PROM1: variants seen among roughly 807,000 people sequenced by gnomAD.
The protein encoded by PROM1 is prominin 1.
A neutral mutation model predicts 116.9 loss-of-function variants in PROM1; 105 were observed. The ratio of observed to expected loss-of-function variants is 0.90; its 90% CI spans 0.77 to 1.06. The LOEUF (loss-of-function observed/expected upper bound fraction) is 1.06. PROM1 is among the 50% of genes least tolerant of loss of function. The pLI, the probability that PROM1 is intolerant of heterozygous loss-of-function variation, is 0.00. For missense variants in PROM1, 1,122 were observed against 1,045.2 expected (o/e 1.07, Z -1.01); for synonymous variants, 393 against 387.0 (o/e 1.02, Z -0.18).
Position 15,992,312 on chromosome 4 carries a change from T to C in PROM1, c.1847A>G (p.Lys616Arg). Residue 616 changes from lysine to arginine, a missense_variant, in exon 17 of 28, where the codon AAA becomes AGA. Physicochemically the swap from Lys to Arg is conservative, Grantham distance 26. Coordinates refer to ENST00000447510, the MANE Select transcript of PROM1 (RefSeq NM_006017.3). ...NIFLLGAAGR[K>R]NLQDFAACGI... Reference sequence around the variant, plus strand: ...ACAAGCAGCAAAATCCTGAAGGTTTTTTCTTCCTGCTGCACCCAACAGAAA... The same window carrying C: ...ACAAGCAGCAAAATCCTGAAGGTTTCTTCTTCCTGCTGCACCCAACAGAAA... 6.2e-7 allele frequency: 1 copy of C among 1,614,024 alleles called. No individual in the cohort carries two copies. The highest frequency in any genetic ancestry group is 8.5e-7 in the Non-Finnish European group (1 of 1,179,892).
chr4:16,080,692 A>T (rs568878201), intron 1 of PROM1: 1 of 152,200 alleles, frequency 6.6e-6, no homozygotes, highest in Non-Finnish European at 1.5e-5. Context: ...AACATCTGAG[A>T]CCACGTTTGT....
At chr4:16,008,725 C>T (rs193102192) in intron 12 of PROM1, among the ~76,000 whole-genome samples, 7 of 152,338 alleles carry the variant, frequency 4.6e-5, no homozygotes, top group African/African-American at 1.2e-4. Context: ...ACACAGGAGT[C>T]ATGCGAACCT....
At chr4:16,036,801 T>G (rs190585065) in intron 3 of PROM1, among the ~76,000 whole-genome samples, 1 of 152,336 alleles carries the variant, frequency 6.6e-6, no homozygotes, top group East Asian at 1.9e-4. Context: ...AGCCCTCCTC[T>G]AGATGTGGCC....
intron 5 of PROM1, among the ~76,000 whole-genome samples, chr4:16,032,933 G>A (rs999525091): frequency 6.6e-6 from 1 of 152,196 alleles, no homozygotes; most frequent in Non-Finnish European, 1.5e-5. Flanking sequence ...AAATCAACTT[G>A]CAGATCCATC....
At chr4:16,080,291 C>G (rs550810518) in intron 1 of PROM1, among the ~76,000 whole-genome samples, 1 of 151,918 alleles carries the variant, frequency 6.6e-6, no homozygotes, top group East Asian at 1.9e-4. Context: ...GAGGCCGAGG[C>G]GGGCGGATCA....
chr4:15,987,669 T>C lies in PROM1; in HGVS notation c.2124A>G (p.Gly708=). ...SVKILQRTGN[G]LLERVTRILA... Reference sequence around the variant, plus strand: ...AAACAAAGTAAACCCTTACCAACAATCCATTCCCTGTGCGTTGAAGTATCT... The same window carrying C: ...AAACAAAGTAAACCCTTACCAACAACCCATTCCCTGTGCGTTGAAGTATCT... Residue 708 remains glycine (G), a synonymous_variant, in exon 20 of 28, where the codon GGA becomes GGG. Transcript: ENST00000447510. The C allele has an allele frequency of 6.2e-7, 1 of 1,610,662 alleles. No individual in the cohort carries two copies. The highest frequency in any genetic ancestry group is 8.5e-7 in the Non-Finnish European group (1 of 1,178,612).
intron 2 of PROM1, among the ~76,000 whole-genome samples, chr4:16,068,988 A>C (rs1437470443): frequency 6.6e-6 from 1 of 152,196 alleles, no homozygotes; most frequent in Non-Finnish European, 1.5e-5. Flanking sequence ...TAATCCTAGC[A>C]CTTTGGGAGG....
At chr4:16,054,643 A>G (rs942036702) in intron 2 of PROM1, among the ~76,000 whole-genome samples, 1 of 152,208 alleles carries the variant, frequency 6.6e-6, no homozygotes, top group Non-Finnish European at 1.5e-5. Context: ...TCATTAAAAA[A>G]TAATGTGTGA....
At chr4:16,028,618 G>A (rs1731942088) in intron 5 of PROM1, among the ~76,000 whole-genome samples, 1 of 151,922 alleles carries the variant, frequency 6.6e-6, no homozygotes, top group African/African-American at 2.4e-5. Flanking sequence ...GACACTCCCT[G>A]TTGTTCAGTG....
intron 15 of PROM1, among the ~76,000 whole-genome samples, chr4:15,994,883 T>C (rs1398362874): frequency 6.6e-6 from 1 of 152,036 alleles, no homozygotes; most frequent in East Asian, 1.9e-4. Flanking sequence ...AACAAGCGGG[T>C]TGGTGTTGTT....
chr4:16,061,615 G>A (rs1193540605), intron 2 of PROM1, among the ~76,000 whole-genome samples: 1 of 152,120 alleles, frequency 6.6e-6, no homozygotes, highest in Non-Finnish European at 1.5e-5. Context: ...GATGCTCTCG[G>A]CCCTCTGCGA....
At position 15,985,772 on chromosome 4, in the gene PROM1, C is replaced by G. The variant is rs1265545125; in HGVS notation, c.2268G>C (p.Trp756Cys). 1 of 1,563,332 alleles carries G rather than the reference C, an allele frequency of 6.4e-7. No homozygotes were observed. Among genetic ancestry groups the G allele is most frequent in the Non-Finnish European group, 8.8e-7 (1 of 1,141,956 alleles). ...IIGYFEHYLQ[W>C]IEFSISEKVA... Reference sequence around the variant, plus strand: ...ATAAACTACTTACAGAGAACTCGATCCACTGCAGATAATGTTCAAAATATC... The same window carrying G: ...ATAAACTACTTACAGAGAACTCGATGCACTGCAGATAATGTTCAAAATATC... Residue 756 changes from tryptophan to cysteine, a missense_variant, in exon 22 of 28, where the codon TGG becomes TGC. Physicochemically the swap from Trp to Cys is radical, Grantham distance 215. Transcript: ENST00000447510.
intron 2 of PROM1, among the ~76,000 whole-genome samples, chr4:16,042,000 G>A (rs946715725): frequency 6.6e-6 from 1 of 151,954 alleles, no homozygotes; most frequent in African/African-American, 2.4e-5. Context: ...TTTTTGTAGA[G>A]ATGGTGTCTC....
intron 8 of PROM1, among the ~76,000 whole-genome samples, chr4:16,021,251 G>A (rs1054545453): frequency 1.9e-4 from 29 of 151,840 alleles, no homozygotes; most frequent in African/African-American, 6.3e-4. Flanking sequence ...AAGAGAAAAA[G>A]AGAATCTTTG....
chr4:16,024,272 A>G, intron 7 of PROM1, 23 bp downstream of exon 7: 2 of 1,603,670 alleles, frequency 1.2e-6, no homozygotes, highest in Middle Eastern at 1.7e-4. Flanking sequence ...AAAAAATGTG[A>G]AGCAACTTTA....
chr4:16,076,830 C>T (rs111817167), intron 1 of PROM1, among the ~76,000 whole-genome samples: 271 of 152,336 alleles, frequency 1.8e-3, no homozygotes, highest in African/African-American at 5.9e-3. Context: ...TGTCCACTCA[C>T]GGTTAAATGG....
intron 11 of PROM1, 61 bp downstream of exon 11, chr4:16,013,214 G>A (rs1727364351): frequency 1.5e-6 from 2 of 1,317,772 alleles, no homozygotes; most frequent in South Asian, 1.3e-5. Context: ...GCAATACTTG[G>A]CAACACATTT....
intron 8 of PROM1, among the ~76,000 whole-genome samples, chr4:16,022,627 G>A (rs1730189377): frequency 6.6e-6 from 1 of 152,132 alleles, no homozygotes; most frequent in African/African-American, 2.4e-5. Flanking sequence ...ATTCATATTG[G>A]CAAAATGAGT....
At chr4:15,976,205 C>A (rs3796859) in intron 26 of PROM1, 3 of 454,342 alleles carry the variant, frequency 6.6e-6, no homozygotes, top group Non-Finnish European at 1.3e-5. Context: ...ACTAAAAGCC[C>A]AAGATGAAAT....
Sources: allele counts gnomAD v4.1 joint callset (sites outside exome capture counted in the v4.1 genomes callset), GRCh38; gene constraint gnomAD v4.1.1; transcripts MANE v1.5; gene names NCBI Gene and HGNC (gene_info 2026-07-23, HGNC 2026-07-21).